The following PCNX1 variants were observed in gnomAD, a reference collection of about 807,000 sequenced individuals.
The protein encoded by PCNX1 is pecanex 1, also known as pecanex-like protein 1.
In PCNX1, 78 loss-of-function variants were observed where a neutral mutation model predicts 242.2. That is an observed-to-expected ratio of 0.32 (90% CI 0.27 to 0.39). The LOEUF is 0.39. Ranked by LOEUF, PCNX1 falls within the 10% of genes least tolerant of loss-of-function variation. The pLI is 1.00. For synonymous variants in PCNX1, 1,024 were observed against 1,032.9 expected (o/e 0.99, Z 0.17); for missense variants, 2,581 against 2,856.5 (o/e 0.90, Z 2.20).
At position 70,977,073 on chromosome 14, in the gene PCNX1, A is replaced by T; in HGVS notation, c.736A>T (p.Asn246Tyr). 1.2e-6 allele frequency: 2 copies of T among 1,614,156 alleles called. No individual in the cohort carries two copies. The highest frequency in any genetic ancestry group is 8.5e-7 in the Non-Finnish European group (1 of 1,179,990). Residue 246 changes from asparagine (N) to tyrosine (Y), a missense_variant, in exon 6 of 36, where the codon AAC becomes TAC. Asn to Tyr is a moderately radical substitution (Grantham distance 143, BLOSUM62 -2). Transcript: ENST00000304743. ...TGACAAAGTGAACCTGCCAAGTCAT[A>T]ACCACCACCACCATGTTGATCAGTC... Reference protein sequence around the residue: ...FSDKVNLPSHNHHHHVDQSLS... With the variant: ...FSDKVNLPSHYHHHHVDQSLS...
chr14:71,105,136 T>G, intron 32 of PCNX1, 99 bp from the exon 33 acceptor site: 1 of 837,918 alleles, frequency 1.2e-6, no homozygotes, highest in Non-Finnish European at 2.0e-6. Context: ...AAGGTGAACA[T>G]TAGTAGCATT....
intron 1 of PCNX1, among the ~76,000 whole-genome samples, chr14:70,915,971 A>G (rs2056136891): frequency 1.3e-5 from 2 of 152,152 alleles, no homozygotes; most frequent in South Asian, 4.1e-4. Context: ...GGGATAAATC[A>G]TGGAGGAAGG....
chr14:71,064,785 A>T (rs912471841), intron 26 of PCNX1, among the ~76,000 whole-genome samples: 9 of 152,130 alleles, frequency 5.9e-5, no homozygotes, highest in African/African-American at 2.2e-4. Context: ...ATCCCCCGAC[A>T]GGCCTGGGTA....
Position 70,978,184 on chromosome 14 carries a change from C to G in PCNX1, c.1847C>G (p.Ser616Cys). The change falls in exon 6 of 36, where the codon TCT (serine) becomes TGT (cysteine). Residue 616 changes from serine (S) to cysteine (C), a missense_variant. By Grantham distance (112) the Ser-to-Cys change is moderately radical. This residue lies in a region of PCNX1 where 1,204 missense variants were observed against 1,216.7 expected (regional missense o/e 0.99). Transcript: ENST00000304743. ...SDLSRASSVQ[S>C]AHQFSSDSSS... is the part of the protein sequence containing the mutation. ...TTGAGTAGAGCATCAAGTGTTCAGT[C>G]TGCTCACCAGTTCAGCAGTGATAGC... 6.2e-7 allele frequency: 1 copy of G among 1,614,112 alleles called. No homozygotes were observed. Among genetic ancestry groups the G allele is most frequent in the Non-Finnish European group, 8.5e-7 (1 of 1,179,990 alleles).
At chr14:71,080,662 G>T (rs1345129648) in intron 28 of PCNX1, among the ~76,000 whole-genome samples, 4 of 152,036 alleles carry the variant, frequency 2.6e-5, no homozygotes, top group Non-Finnish European at 5.9e-5. Flanking sequence ...CTCATGATTT[G>T]GCCCTCTGTC....
intron 8 of PCNX1, among the ~76,000 whole-genome samples, chr14:71,006,548 A>G (rs950816576): frequency 6.6e-6 from 1 of 152,190 alleles, no homozygotes; most frequent in African/African-American, 2.4e-5. Context: ...TTTATTAGAA[A>G]AAATTAGTAT....
At chr14:71,023,605 A>G (rs1350488350) in intron 13 of PCNX1, among the ~76,000 whole-genome samples, 1 of 152,128 alleles carries the variant, frequency 6.6e-6, no homozygotes, top group Non-Finnish European at 1.5e-5. Context: ...GAAAAACTTT[A>G]TATTATTTCA....
chr14:70,964,362 C>T, intron 3 of PCNX1, among the ~76,000 whole-genome samples: 1 of 152,054 alleles, frequency 6.6e-6, no homozygotes, highest in Non-Finnish European at 1.5e-5. Flanking sequence ...TCACCATGCC[C>T]AGCCTTAGAT....
chr14:71,050,845 G>GT, intron 23 of PCNX1, 85 bp downstream of exon 23: 2 of 1,241,176 alleles, frequency 1.6e-6, no homozygotes, highest in Middle Eastern at 4.1e-4. Flanking sequence ...CTTTCATGGT[G>GT]TAAGTTTACT....
At chr14:71,011,602 ATATGT>A in intron 10 of PCNX1, 53 bp downstream of exon 10, 1 of 1,057,014 alleles carries the variant, frequency 9.5e-7, no homozygotes, top group Non-Finnish European at 1.5e-6. Context: ...TAAATCTGAA[ATATGT>A]ATTTACATAG....
At chr14:70,967,759 T>G (rs1261596776) in intron 3 of PCNX1, among the ~76,000 whole-genome samples, 1 of 152,240 alleles carries the variant, frequency 6.6e-6, no homozygotes, top group African/African-American at 2.4e-5. Context: ...TGCTGCACTT[T>G]GTAGTGTATG....
chr14:70,953,377 A>G (rs1329798101), intron 2 of PCNX1, among the ~76,000 whole-genome samples: 1 of 152,002 alleles, frequency 6.6e-6, no homozygotes, highest in Non-Finnish European at 1.5e-5. Context: ...ATTTTTTTAT[A>G]TATGGTCCAT....
chr14:70,912,727 G>A (rs1051014412), intron 1 of PCNX1, among the ~76,000 whole-genome samples: 10 of 151,968 alleles, frequency 6.6e-5, no homozygotes, highest in Non-Finnish European at 1.0e-4. Context: ...TTGGCACTTA[G>A]AAAAAAATCC....
chr14:70,978,658 CTG>C lies in PCNX1; in HGVS notation c.2311+12_2311+13del, dbSNP rs773028926. ...GATGCAGTCAGTGGAGGTAAGTAAA[CTG>C]TAAGAAGAGATTTCTGTAAGACTCA... On this transcript the variant is annotated intron_variant, in intron 6 of 35. Transcript: ENST00000304743. 5 of 1,593,004 alleles carry C rather than the reference CTG, an allele frequency of 3.1e-6. No homozygotes were observed. The highest frequency in any genetic ancestry group is 1.7e-6 in the Non-Finnish European group (2 of 1,170,988).
chr14:71,067,194 CTCT>C (rs1221207529), intron 26 of PCNX1, among the ~76,000 whole-genome samples: 2 of 151,996 alleles, frequency 1.3e-5, no homozygotes, highest in Non-Finnish European at 2.9e-5. Context: ...ATGGTACCAA[CTCT>C]TCTTTATACC....
At position 71,023,029 on chromosome 14, in the gene PCNX1, GAC is replaced by G. The variant is rs141580867; in HGVS notation, c.3151-168_3151-167del. 8.3e-3 allele frequency among the ~76,000 whole-genome samples: 1,265 copies of G among 152,144 alleles called. 10 individuals are homozygous for G. The highest frequency in any genetic ancestry group is 0.029 in the African/African-American group (1,191 of 41,524). The stretch of plus-strand genomic sequence containing the variant: ...TTTGATATGTTTTTAATATCACAGT[GAC>G]ACTGGTATCTGGAGCTGATGTTTCA... On this transcript the variant is annotated intron_variant, in intron 12 of 35. Transcript: ENST00000304743.
intron 30 of PCNX1, among the ~76,000 whole-genome samples, chr14:71,097,164 G>A (rs1455812673): frequency 1.3e-5 from 2 of 152,046 alleles, no homozygotes; most frequent in Admixed American, 6.6e-5. Flanking sequence ...TTATGGCTGC[G>A]TAGTATTCCA....
chr14:71,013,936 G>A (rs556116585), intron 11 of PCNX1, among the ~76,000 whole-genome samples: 1 of 152,306 alleles, frequency 6.6e-6, no homozygotes, highest in East Asian at 1.9e-4. Context: ...AGAGGAGAGA[G>A]CTGCTTAGAG....
chr14:71,066,969 A>G (rs996709624), intron 26 of PCNX1, among the ~76,000 whole-genome samples: 1 of 152,142 alleles, frequency 6.6e-6, no homozygotes, highest in Non-Finnish European at 1.5e-5. Flanking sequence ...CAACTTGATC[A>G]TGGTGAATAA....
Sources: allele counts gnomAD v4.1 joint callset (sites outside exome capture counted in the v4.1 genomes callset), GRCh38; gene constraint gnomAD v4.1.1; regional missense constraint gnomAD v4.1.1; transcripts MANE v1.5; gene names NCBI Gene and HGNC (gene_info 2026-07-23, HGNC 2026-07-21).